ACTR3C: variants seen among roughly 807,000 people sequenced by gnomAD.
ACTR3C encodes the protein actin related protein 3C.
Under a neutral mutation model 26.3 loss-of-function variants are expected in ACTR3C, and 18 were observed. The ratio of observed to expected loss-of-function variants is 0.68; its 90% CI spans 0.47 to 1.01. The LOEUF is 1.01. ACTR3C is among the 50% of genes least tolerant of loss of function. The pLI is 0.00. For synonymous variants in ACTR3C, 55 were observed against 94.5 expected (o/e 0.58, Z 2.42); for missense variants, 184 against 250.7 (o/e 0.73, Z 1.80).
the ACTR3C span, among the ~76,000 whole-genome samples, chr7:150,039,609 T>G: frequency 7.2e-5 from 10 of 139,400 alleles, no homozygotes; most frequent in African/African-American, 2.7e-4. Context: ...CGTCGGAAGA[T>G]TTGAACTTTC....
chr7:150,029,434 A>G, the ACTR3C span, among the ~76,000 whole-genome samples: 2 of 143,426 alleles, frequency 1.4e-5, no homozygotes, highest in East Asian at 2.0e-4. Context: ...AAAAAAAACC[A>G]TGAGTGGGTG....
At chr7:150,035,712 G>T in the ACTR3C span, among the ~76,000 whole-genome samples, 3 of 139,164 alleles carry the variant, frequency 2.2e-5, 1 homozygote, top group East Asian at 2.1e-4. Flanking sequence ...TCCTAAGCCA[G>T]GGGGTGAAGA....
At chr7:149,930,211 G>A in the ACTR3C span, among the ~76,000 whole-genome samples, 80 of 152,324 alleles carry the variant, frequency 5.3e-4, no homozygotes, top group African/African-American at 1.8e-3. Flanking sequence ...ACATGAATCC[G>A]TACTGTATGT....
the ACTR3C span, among the ~76,000 whole-genome samples, chr7:150,238,800 T>TA: frequency 2.7e-5 from 4 of 149,192 alleles, no homozygotes; most frequent in African/African-American, 5.1e-5. Flanking sequence ...CTTTGACTAA[T>TA]AAAATCACAA....
the ACTR3C span, among the ~76,000 whole-genome samples, chr7:150,140,088 A>G: frequency 1.3e-5 from 2 of 152,206 alleles, no homozygotes; most frequent in Non-Finnish European, 2.9e-5. Flanking sequence ...ACAGGCTGCT[A>G]AGCTGAGCTG....
chr7:149,895,659 AC>A, the ACTR3C span, among the ~76,000 whole-genome samples: 12 of 151,922 alleles, frequency 7.9e-5, no homozygotes, highest in East Asian at 2.1e-3. Flanking sequence ...ACATAGCAAG[AC>A]CCCATCTCTA....
the ACTR3C span, among the ~76,000 whole-genome samples, chr7:150,129,541 T>A: frequency 6.6e-6 from 1 of 152,214 alleles, no homozygotes; most frequent in Non-Finnish European, 1.5e-5. Context: ...GTTCAGCAAA[T>A]TTGTAGGATA....
intron 6 of ACTR3C, among the ~76,000 whole-genome samples, chr7:150,263,362 A>T (rs1300727188): frequency 6.6e-6 from 1 of 152,260 alleles, no homozygotes; most frequent in African/African-American, 2.4e-5. Flanking sequence ...CTATCTTTCT[A>T]TTTTATCTAT....
At chr7:150,179,095 G>A in the ACTR3C span, among the ~76,000 whole-genome samples, 4 of 145,332 alleles carry the variant, frequency 2.8e-5, no homozygotes, top group Non-Finnish European at 5.9e-5. Context: ...TCCCAAACCC[G>A]TCTACAAACT....
At chr7:149,945,318 A>ACAGGCCGCAGGGTCTTGGGG in the ACTR3C span, among the ~76,000 whole-genome samples, 1 of 118,870 alleles carries the variant, frequency 8.4e-6, no homozygotes, top group African/African-American at 3.0e-5. Context: ...TCCATCAGTG[A>ACAGGCCGCAGGGTCTTGGGG]CAACCTCCCA....
chr7:150,172,444 A>G, the ACTR3C span, among the ~76,000 whole-genome samples: 5 of 150,606 alleles, frequency 3.3e-5, no homozygotes, highest in East Asian at 9.6e-4. Flanking sequence ...ATAGCATGGG[A>G]AACACCAGTC....
chr7:149,996,569 C>G, the ACTR3C span, among the ~76,000 whole-genome samples: 1 of 145,850 alleles, frequency 6.9e-6, no homozygotes, highest in African/African-American at 2.5e-5. Flanking sequence ...GTAAAAATAG[C>G]AGTTCTGGTA....
At chr7:149,957,164 A>T in the ACTR3C span, among the ~76,000 whole-genome samples, 1 of 152,098 alleles carries the variant, frequency 6.6e-6, no homozygotes, top group African/African-American at 2.4e-5. Flanking sequence ...GGTACAACTG[A>T]TGGGGTAAAA....
chr7:150,098,575 T>C, the ACTR3C span, among the ~76,000 whole-genome samples: 1 of 151,926 alleles, frequency 6.6e-6, no homozygotes, highest in East Asian at 1.9e-4. Flanking sequence ...TCAGTTTGTT[T>C]ACTTAAAGTG....
the ACTR3C span, among the ~76,000 whole-genome samples, chr7:150,019,068 A>C: frequency 1.3e-5 from 2 of 150,476 alleles, 1 homozygote; most frequent in African/African-American, 5.0e-5. Context: ...ATTCAATGAA[A>C]GCAGATGACA....
At chr7:150,161,369 C>T in the ACTR3C span, among the ~76,000 whole-genome samples, 1 of 151,360 alleles carries the variant, frequency 6.6e-6, no homozygotes, top group Admixed American at 6.6e-5. Context: ...CCGCCAGTCC[C>T]CCACCCCACG....
chr7:150,277,039 G>A (rs535782486), intron 6 of ACTR3C, among the ~76,000 whole-genome samples: 1 of 152,334 alleles, frequency 6.6e-6, no homozygotes, highest in East Asian at 1.9e-4. Context: ...CCAGTCAGCT[G>A]AAGATCTCAA....
At chr7:150,276,797 G>C (rs1584902524) in intron 6 of ACTR3C, among the ~76,000 whole-genome samples, 1 of 152,260 alleles carries the variant, frequency 6.6e-6, no homozygotes, top group African/African-American at 2.4e-5. Flanking sequence ...CCCTCATCCT[G>C]TGTGACCTCT....
chr7:150,212,341 C>G, the ACTR3C span, among the ~76,000 whole-genome samples: 1 of 148,694 alleles, frequency 6.7e-6, no homozygotes, highest in Non-Finnish European at 1.5e-5. Flanking sequence ...GCCCTCTATT[C>G]CTGGAAACTT....
Sources: gnomAD v4.1 joint callset for allele counts (sites outside exome capture counted in the v4.1 genomes callset) on GRCh38, gnomAD v4.1.1 for gene constraint, MANE v1.5 for transcripts, NCBI Gene and HGNC (gene_info 2026-07-23, HGNC 2026-07-21) for gene names.